UPF1: variants seen among roughly 807,000 people sequenced by gnomAD.
UPF1 encodes regulator of nonsense transcripts 1.
UPF1 carries 9 observed loss-of-function variants against 129.2 expected under a neutral mutation model. The ratio of observed to expected loss-of-function variants is 0.07; its 90% CI spans 0.04 to 0.12. UPF1 has a LOEUF of 0.12. Among genes scored for constraint, UPF1 ranks in the 10% least tolerant of loss-of-function variants. The pLI is 1.00. For missense variants in UPF1, 788 were observed against 1,525.3 expected, an observed-to-expected ratio of 0.52 and a Z score of 8.05; for synonymous variants, 649 against 644.9, an observed-to-expected ratio of 1.01 and a Z score of -0.10.
At chr19:18,852,430 G>C in intron 6 of UPF1, 134 bp downstream of exon 6, 1 of 1,329,296 alleles carries the variant, frequency 7.5e-7, no homozygotes. Context: ...CTGAGAGTTG[G>C]AACTTGCGGA....
At chr19:18,838,425 A>T (rs182984418) in intron 1 of UPF1, among the ~76,000 whole-genome samples, 1 of 152,294 alleles carries the variant, frequency 6.6e-6, no homozygotes, top group East Asian at 1.9e-4. Context: ...GAGGCAGGTG[A>T]ATCACCGGAG....
chr19:18,852,091 A>G (rs200458180), intron 5 of UPF1, 44 bp from the exon 6 acceptor site: 1 of 1,546,664 alleles, frequency 6.5e-7, no homozygotes, highest in Non-Finnish European at 8.7e-7. Flanking sequence ...ATTTGCATGT[A>G]GGGAAAAACA....
chr19:18,854,779 G>A (rs532102346), intron 9 of UPF1, 70 bp downstream of exon 9: 27 of 1,605,334 alleles, frequency 1.7e-5, no homozygotes, highest in Middle Eastern at 1.7e-4. Flanking sequence ...AGCCCTCCCC[G>A]TCACTGTGGA....
Position 18,850,680 on chromosome 19 carries a change from C to T in UPF1, c.630-8C>T. The T allele has an allele frequency of 1.9e-6, 3 of 1,568,090 alleles. No individual in the cohort carries two copies. The highest frequency in any genetic ancestry group is 2.6e-6 in the Non-Finnish European group (3 of 1,153,678). ...AGCTGGTCCTCACGGCCCCCTCCCG[C>T]TCTGCAGGCAGCCCTGTGCCAGCCA... On this transcript the variant is annotated splice_polypyrimidine_tract_variant and splice_region_variant and intron_variant, in intron 4 of 23. Coordinates refer to ENST00000262803, the MANE Select transcript of UPF1 (RefSeq NM_002911.4). This position sits in a 1 kb window ranked among gnomAD's most constrained non-coding sequence, Gnocchi z 7.1.
chr19:18,837,044 G>A (rs1049867140), intron 1 of UPF1, among the ~76,000 whole-genome samples: 2 of 151,920 alleles, frequency 1.3e-5, no homozygotes, highest in Non-Finnish European at 2.9e-5. Flanking sequence ...GAGCCACTGC[G>A]CCCAGCCTGC....
chr19:18,847,753 A>T lies in UPF1; in HGVS notation c.381A>T (p.Gly127=), dbSNP rs73526913. The change falls in exon 3 of 24, where the codon GGA becomes GGT. Residue 127 remains glycine (G), a synonymous_variant. Coordinates refer to ENST00000262803, the MANE Select transcript of UPF1 (RefSeq NM_002911.4). ...TGTTTTGATTTTTTAGTTACTGTGG[A>T]ATACACGATCCTGCCTGCGTGGTTT... ...DLPIHACSYC[G]IHDPACVVYC... 1.8e-3 allele frequency: 2,887 copies of T among 1,614,152 alleles called. 50 individuals carry two copies. In the African/African-American group the frequency reaches 0.033, roughly 19 times the overall value.
In UPF1 at chr19:18,852,168, A is replaced by C; in HGVS notation, c.844A>C (p.Lys282Gln). 1 of 1,611,706 alleles carries C rather than the reference A, an allele frequency of 6.2e-7. No individual in the cohort carries two copies. The highest frequency in any genetic ancestry group is 8.5e-7 in the Non-Finnish European group (1 of 1,178,792). ...NPSATLEDLE[K>Q]PGVDEEPQHV... ...TTCTGCCACGCTGGAGGACCTGGAG[A>C]AGCCGGGGGTGGACGAGGAGCCGCA... Residue 282 changes from lysine to glutamine, a missense_variant, in exon 6 of 24, where the codon AAG becomes CAG. By Grantham distance (53) the Lys-to-Gln change is moderately conservative. Transcript: ENST00000262803.
rs1353785165 is a variant in UPF1, at chr19:18,832,965, G to A, written c.231+525G>A. ...CTCGAGTTCTCCTACGACCTGGGCC[G>A]GGTCTTGCTCAGGCCGGAGCTTGAG... is the stretch of plus-strand genomic sequence containing the variant. On this transcript the variant is annotated intron_variant, in intron 1 of 23. Transcript: ENST00000262803. The surrounding 1 kb of genome is among the most constrained non-coding windows in gnomAD (Gnocchi z 5.6). 6.6e-6 allele frequency among the ~76,000 whole-genome samples: 1 copy of A among 152,160 alleles called. No individual in the cohort carries two copies. Among genetic ancestry groups the A allele is most frequent in the Admixed American group, 6.5e-5 (1 of 15,268 alleles).
intron 6 of UPF1, 53 bp downstream of exon 6, chr19:18,852,349 TCTC>T (rs1457127772): frequency 4.4e-6 from 7 of 1,594,262 alleles, no homozygotes; most frequent in Admixed American, 1.8e-5. Flanking sequence ...CTCACAGCTC[TCTC>T]CTCAGGCTTC....
chr19:18,865,350 T>G lies in UPF1; in HGVS notation c.2919T>G (p.Pro973=). Residue 973 remains proline (P), a synonymous_variant, in exon 21 of 24, where the codon CCT becomes CCG. Coordinates refer to ENST00000262803, the MANE Select transcript of UPF1 (RefSeq NM_002911.4). This position sits in a 1 kb window ranked among gnomAD's most constrained non-coding sequence, Gnocchi z 6.1. ...HDQIGMISAG[P]SHVAAMNIPI... is the part of the protein sequence containing the mutation. The stretch of plus-strand genomic sequence containing the variant: ...AGATTGGCATGATCAGTGCCGGCCC[T>G]AGCCACGTGGCTGCCATGAACATTC... 6.2e-7 allele frequency: 1 copy of G among 1,614,040 alleles called. No homozygotes were observed. Among genetic ancestry groups the G allele is most frequent in the Non-Finnish European group, 8.5e-7 (1 of 1,180,006 alleles).
intron 2 of UPF1, among the ~76,000 whole-genome samples, 200 bp from the exon 3 acceptor site, chr19:18,847,544 G>A (rs2055613925): frequency 6.6e-6 from 1 of 152,246 alleles, no homozygotes; most frequent in Non-Finnish European, 1.5e-5. Context: ...CGGAGCTTCT[G>A]CCACATACCC....
chr19:18,839,844 T>C (rs555425857), intron 1 of UPF1, among the ~76,000 whole-genome samples: 69 of 152,316 alleles, frequency 4.5e-4, no homozygotes, highest in African/African-American at 1.5e-3. Flanking sequence ...ACATGCCGCC[T>C]GGCCAGGGTG....
chr19:18,841,511 C>T (rs984785605), intron 1 of UPF1, among the ~76,000 whole-genome samples: 3 of 152,220 alleles, frequency 2.0e-5, no homozygotes, highest in African/African-American at 7.2e-5. Flanking sequence ...TTACTGGGAT[C>T]CTGGAGGTCC....
rs1340849186 is a variant in UPF1, at chr19:18,847,839, TA to T, written c.461+8del. 6.2e-7 allele frequency: 1 copy of T among 1,614,006 alleles called. No homozygotes were observed. Among genetic ancestry groups the T allele is most frequent in the South Asian group, 1.1e-5 (1 of 91,078 alleles). ...CGTGGAAATACTTCTGGCAGGTAGA[TA>T]ATCAGACCATGCATGTGTGTTTAAT... On this transcript the variant is annotated splice_region_variant and intron_variant, in intron 3 of 23. Coordinates refer to ENST00000262803, the MANE Select transcript of UPF1 (RefSeq NM_002911.4).
In UPF1 at chr19:18,866,874, G is replaced by A. The variant is rs1021204880; in HGVS notation, c.*357G>A. Reference sequence around the variant, plus strand: ...TATTTCTTTTTCTCTTTGATTGAAAGGGGACTACGTCTTAGCAGGAAAAAA... The same window carrying A: ...TATTTCTTTTTCTCTTTGATTGAAAAGGGACTACGTCTTAGCAGGAAAAAA... On this transcript the variant is annotated 3_prime_UTR_variant, in exon 24 of 24. Coordinates refer to ENST00000262803, the MANE Select transcript of UPF1 (RefSeq NM_002911.4). 3.9e-5 allele frequency: 6 copies of A among 152,620 alleles called. No individual in the cohort carries two copies. The highest frequency in any genetic ancestry group is 1.4e-4 in the African/African-American group (6 of 41,462). The allele number at this position is 152,620 out of a possible 1,614,324, so 9.5% of individuals were successfully genotyped here.
chr19:18,862,567 G>A (rs2055792140), intron 18 of UPF1, among the ~76,000 whole-genome samples: 1 of 152,054 alleles, frequency 6.6e-6, no homozygotes, highest in African/African-American at 2.4e-5. Context: ...CAGGCATGGT[G>A]TCTCACACAT....
In UPF1 at chr19:18,832,100, C is replaced by A; in HGVS notation, c.-110C>A. The A allele has an allele frequency of 9.2e-7, 1 of 1,085,274 alleles. No homozygotes were observed. Among genetic ancestry groups the A allele is most frequent in the Non-Finnish European group, 1.2e-6 (1 of 834,228 alleles). The allele number at this position is 1,085,274 out of a possible 1,614,324, so 67.2% of individuals were successfully genotyped here. On this transcript the variant is annotated 5_prime_UTR_variant, in exon 1 of 24. Transcript: ENST00000262803. The surrounding 1 kb of genome is among the most constrained non-coding windows in gnomAD (Gnocchi z 5.6). ...GGCGCGCGGTTTGGTCCTTTCCGGG[C>A]GCGCGGGGGCGACAGCGGCAGCGAC...
In UPF1 at chr19:18,853,133, C is replaced by A; in HGVS notation, c.1057+62C>A. On this transcript the variant is annotated intron_variant, in intron 7 of 23. Transcript: ENST00000262803. The surrounding 1 kb of genome is among the most constrained non-coding windows in gnomAD (Gnocchi z 4.4). ...ATTTTAAGTTTTAAAATATTTGTGA[C>A]CATAAGTAGCATAAATTCCTAGTTC... is the stretch of plus-strand genomic sequence containing the variant. 1 of 1,605,624 alleles carries A rather than the reference C, an allele frequency of 6.2e-7. No homozygotes were observed. The highest frequency in any genetic ancestry group is 1.3e-5 in the African/African-American group (1 of 74,734).
Position 18,856,003 on chromosome 19 carries a change from C to A in UPF1, c.1623C>A (p.Val541=). The change falls in exon 12 of 24, where the codon GTC becomes GTA. Residue 541 remains valine, a synonymous_variant. Coordinates refer to ENST00000262803, the MANE Select transcript of UPF1 (RefSeq NM_002911.4). ...AGATCCACCAGACGGGGCTAAAGGTCGTGCGCCTCTGCGCCAAGAGCCGTG... is the reference window on the plus strand; with the variant it reads ...AGATCCACCAGACGGGGCTAAAGGTAGTGCGCCTCTGCGCCAAGAGCCGTG... ...TEKIHQTGLK[V]VRLCAKSREA... is the part of the protein sequence containing the mutation. 1 of 1,613,992 alleles carries A rather than the reference C, an allele frequency of 6.2e-7. No individual in the cohort carries two copies. The highest frequency in any genetic ancestry group is 2.2e-5 in the East Asian group (1 of 44,890).
Sources: allele counts gnomAD v4.1 joint callset (sites outside exome capture counted in the v4.1 genomes callset), GRCh38; gene constraint gnomAD v4.1.1; non-coding constraint Gnocchi (gnomAD v3.1); transcripts MANE v1.5; gene names NCBI Gene and HGNC (gene_info 2026-07-23, HGNC 2026-07-21).